The following KMT2A variants were observed in gnomAD, a reference collection of about 807,000 sequenced individuals.
KMT2A encodes lysine methyltransferase 2A, also known as histone-lysine N-methyltransferase 2A.
KMT2A carries 16 observed loss-of-function variants against 345.3 expected under a neutral mutation model. That is an observed-to-expected ratio of 0.05 (90% CI 0.03 to 0.07). The LOEUF is 0.07. Among genes scored for constraint, KMT2A ranks in the 10% least tolerant of loss-of-function variants. The pLI is 1.00. For synonymous variants in KMT2A, 1,599 were observed against 1,778.6 expected, an observed-to-expected ratio of 0.90 and a Z score of 2.54; for missense variants, 3,272 against 4,841.6, an observed-to-expected ratio of 0.68 and a Z score of 9.62.
intron 1 of KMT2A, among the ~76,000 whole-genome samples, chr11:118,445,482 T>C (rs1007828169): frequency 2.0e-5 from 3 of 152,198 alleles, no homozygotes; most frequent in Non-Finnish European, 4.4e-5. Context: ...GTTCTTGGGC[T>C]CCAGGTTCAG....
In KMT2A at chr11:118,476,839, G is replaced by A. The variant is rs782755322; in HGVS notation, c.3191G>A (p.Arg1064Gln). Residue 1064 changes from arginine (R) to glutamine (Q), a missense_variant, in exon 4 of 36, where the codon CGA (arginine) becomes CAA (glutamine). This residue lies in a region of KMT2A where 29 missense variants were observed against 27.1 expected (regional missense o/e 1.07). Transcript: ENST00000534358. The surrounding 1 kb of genome is among the most constrained non-coding windows in gnomAD (Gnocchi z 4.1). ...QESDSSETSV[R>Q]GPRIKHVCRR... Reference sequence around the variant, plus strand: ...AGTGACTCATCAGAGACCTCTGTGCGAGGACCCCGGATTAAACATGTCTGC... The same window carrying A: ...AGTGACTCATCAGAGACCTCTGTGCAAGGACCCCGGATTAAACATGTCTGC... The A allele has an allele frequency of 1.2e-6, 2 of 1,613,578 alleles. No homozygotes were observed. The highest frequency in any genetic ancestry group is 1.7e-6 in the Non-Finnish European group (2 of 1,179,516).
rs1201793772 is a variant in KMT2A at position 118,478,761 on chromosome 11, AT to A, written c.3569+571del. Among the ~76,000 whole-genome samples the A allele has an allele frequency of 3.7e-4, 55 of 148,584 alleles. 1 individual carries two copies. The East Asian group carries it at 4.9e-3, about 13-fold the overall frequency. Reference sequence around the variant, plus strand: ...CTTAGAATATGTTCATGCATATGGAATTTTTTTTTTTAAGAGACAGGGTCTT... The same window carrying A: ...CTTAGAATATGTTCATGCATATGGAATTTTTTTTTTAAGAGACAGGGTCTT... On this transcript the variant is annotated intron_variant, in intron 5 of 35. Coordinates refer to ENST00000534358, the MANE Select transcript of KMT2A (RefSeq NM_001197104.2).
At position 118,521,609 on chromosome 11, in the gene KMT2A, C is replaced by CT. The variant is rs782735983; in HGVS notation, c.11643+193dup. On this transcript the variant is annotated intron_variant, in intron 35 of 35. Coordinates refer to ENST00000534358, the MANE Select transcript of KMT2A (RefSeq NM_001197104.2). The surrounding 1 kb of genome is among the most constrained non-coding windows in gnomAD (Gnocchi z 5.3). ...CTCTGAGGATTAGTACAGAAAGTTG[C>CT]TCTTAGAAGGTTTGTCTGAGTGGCT... 6.6e-6 allele frequency among the ~76,000 whole-genome samples: 1 copy of CT among 152,192 alleles called. No homozygotes were observed. The highest frequency in any genetic ancestry group is 1.5e-5 in the Non-Finnish European group (1 of 68,040).
chr11:118,451,568 T>C (rs1949538392), intron 1 of KMT2A, among the ~76,000 whole-genome samples: 1 of 152,052 alleles, frequency 6.6e-6, no homozygotes, highest in South Asian at 2.1e-4. Flanking sequence ...TTTATGTTTT[T>C]AGTAGAGACG....
intron 6 of KMT2A, 131 bp downstream of exon 6, chr11:118,480,369 T>C (rs2054568922): frequency 6.5e-6 from 4 of 615,244 alleles, no homozygotes; most frequent in African/African-American, 1.9e-5. Flanking sequence ...TTGTTGAAGC[T>C]AGGTAATAGG....
chr11:118,477,525 T>TTTTTTTG (rs1950060642), intron 4 of KMT2A, among the ~76,000 whole-genome samples: 1 of 134,014 alleles, frequency 7.5e-6, no homozygotes, highest in African/African-American at 2.9e-5. Flanking sequence ...TTTTTTTTTT[T>TTTTTTTG]GAGACGGAGC....
chr11:118,438,184 G>A (rs782006839), intron 1 of KMT2A, among the ~76,000 whole-genome samples: 3 of 152,112 alleles, frequency 2.0e-5, no homozygotes, highest in Non-Finnish European at 4.4e-5. Flanking sequence ...GGATTATCAA[G>A]CAAAGTTATT....
chr11:118,444,534 G>A (rs1013459915), intron 1 of KMT2A, among the ~76,000 whole-genome samples: 1 of 152,190 alleles, frequency 6.6e-6, no homozygotes, highest in Admixed American at 6.5e-5. Context: ...AACTGCCTGA[G>A]TTCAAATCTA....
intron 28 of KMT2A, among the ~76,000 whole-genome samples, chr11:118,508,503 G>A (rs1565309237): frequency 6.6e-6 from 1 of 152,198 alleles, no homozygotes; most frequent in African/African-American, 2.4e-5. Flanking sequence ...TTGGGAGGCT[G>A]AGGCAGGAGG....
At chr11:118,479,647 C>T (rs1403478492) in intron 5 of KMT2A, among the ~76,000 whole-genome samples, 2 of 152,126 alleles carry the variant, frequency 1.3e-5, no homozygotes, top group East Asian at 3.8e-4. Flanking sequence ...GATAAAGTTG[C>T]ATTAAATTTA....
rs142985138 is a variant in KMT2A, at chr11:118,503,075, T to C, written c.7183T>C (p.Ser2395Pro). The C allele has an allele frequency of 6.7e-4, 1,085 of 1,612,642 alleles. No homozygotes were observed. The highest frequency in any genetic ancestry group is 8.3e-4 in the Non-Finnish European group (984 of 1,179,934). The change falls in exon 27 of 36, where the codon TCT (serine) becomes CCT (proline). Residue 2395 changes from serine (S) to proline (P), a missense_variant. Ser to Pro is a moderately conservative substitution (Grantham distance 74). Around this residue, in one of 27 missense-constraint regions of KMT2A, gnomAD observed 445 missense variants for 500.9 expected, o/e 0.89. Coordinates refer to ENST00000534358, the MANE Select transcript of KMT2A (RefSeq NM_001197104.2). This position sits in a 1 kb window ranked among gnomAD's most constrained non-coding sequence, Gnocchi z 5.3. ...HTDSTQSANSSPDEDTEVKTL... is the reference protein window; with the variant it reads ...HTDSTQSANSPPDEDTEVKTL... ...AGATTCTACCCAATCAGCAAACTCC[T>C]CTCCAGATGAAGATACTGAAGTCAA... is the stretch of plus-strand genomic sequence containing the variant.
Position 118,484,656 on chromosome 11 carries a change from T to C in KMT2A, c.4219-206T>C, listed in dbSNP as rs574751268. 6.6e-6 allele frequency among the ~76,000 whole-genome samples: 1 copy of C among 152,362 alleles called. No homozygotes were observed. Among genetic ancestry groups the C allele is most frequent in the African/African-American group, 2.4e-5 (1 of 41,592 alleles). On this transcript the variant is annotated intron_variant, in intron 9 of 35. Coordinates refer to ENST00000534358, the MANE Select transcript of KMT2A (RefSeq NM_001197104.2). This position sits in a 1 kb window ranked among gnomAD's most constrained non-coding sequence, Gnocchi z 4.1. ...ATCCCAGTGTATTTTCGCAATATATTCAATATGAATTGAACAACTAGGTGA... is the reference window on the plus strand; with the variant it reads ...ATCCCAGTGTATTTTCGCAATATATCCAATATGAATTGAACAACTAGGTGA...
At position 118,521,235 on chromosome 11, in the gene KMT2A, C is replaced by T. The variant is rs1182391322; in HGVS notation, c.11514-53C>T. The T allele has an allele frequency of 6.2e-7, 1 of 1,601,520 alleles. No individual in the cohort carries two copies. The highest frequency in any genetic ancestry group is 1.3e-5 in the African/African-American group (1 of 74,690). ...GAGAACTTATTCATGTATTCACGCA[C>T]TTAACCTTACTTGCAAAATTTGTGT... On this transcript the variant is annotated intron_variant, in intron 34 of 35. Coordinates refer to ENST00000534358, the MANE Select transcript of KMT2A (RefSeq NM_001197104.2). This position sits in a 1 kb window ranked among gnomAD's most constrained non-coding sequence, Gnocchi z 5.3.
chr11:118,506,312 G>A lies in KMT2A; in HGVS notation c.10420G>A (p.Asp3474Asn), dbSNP rs782405399. 6.2e-7 allele frequency: 1 copy of A among 1,614,052 alleles called. No individual in the cohort carries two copies. Among genetic ancestry groups the A allele is most frequent in the Non-Finnish European group, 8.5e-7 (1 of 1,180,028 alleles). ...SKTGIHSSQR[D>N]LDSASGPQVS... ...AACTGGGATTCATTCTTCCCAGCGT[G>A]ATCTTGATTCTGCTTCAGGGCCCCA... Residue 3474 changes from aspartate (D) to asparagine (N), a missense_variant, in exon 27 of 36, where the codon GAT becomes AAT. Physicochemically the swap from Asp to Asn is conservative, Grantham distance 23 (BLOSUM62 1). This residue lies in a region of KMT2A where 748 missense variants were observed against 922.2 expected (regional missense o/e 0.81). Transcript: ENST00000534358.
At chr11:118,465,640 C>T (rs1949830234) in intron 1 of KMT2A, among the ~76,000 whole-genome samples, 1 of 152,280 alleles carries the variant, frequency 6.6e-6, no homozygotes, top group East Asian at 1.9e-4. Flanking sequence ...ACCCTTCTCT[C>T]CCCACATCCA....
At position 118,473,817 on chromosome 11, in the gene KMT2A, G is replaced by A. The variant is rs782323499; in HGVS notation, c.2658G>A (p.Arg886=). The A allele has an allele frequency of 1.9e-6, 3 of 1,614,134 alleles. No individual in the cohort carries two copies. The highest frequency in any genetic ancestry group is 2.5e-6 in the Non-Finnish European group (3 of 1,180,006). Residue 886 remains arginine (R), a synonymous_variant, in exon 3 of 36, where the codon CGG becomes CGA. Transcript: ENST00000534358. The surrounding 1 kb of genome is among the most constrained non-coding windows in gnomAD (Gnocchi z 5.2). ...RDREREKENK[R]ESRKEKRKKG... is the part of the protein sequence containing the mutation. ...GGGAGAGAGAAAAGGAGAATAAGCG[G>A]GAGTCAAGGAAAGAGAAAAGGAAAA...
In KMT2A at chr11:118,506,367, C is replaced by T. The variant is rs145249825; in HGVS notation, c.10475C>T (p.Ala3492Val). 1.2e-4 allele frequency: 197 copies of T among 1,614,176 alleles called. 2 individuals are homozygous for T. In the African/African-American group the frequency reaches 2.5e-3, roughly 20 times the overall value. The change falls in exon 27 of 36, where the codon GCT becomes GTT. Residue 3492 changes from alanine to valine, a missense_variant. By Grantham distance (64) the Ala-to-Val change is moderately conservative. Coordinates refer to ENST00000534358, the MANE Select transcript of KMT2A (RefSeq NM_001197104.2). Reference sequence around the variant, plus strand: ...TCCAACTTTACCCAGACGGTAGACGCTCCTAATAGCATGGGACTGGAGCAG... The same window carrying T: ...TCCAACTTTACCCAGACGGTAGACGTTCCTAATAGCATGGGACTGGAGCAG... The part of the protein sequence containing the change: ...QVSNFTQTVD[A>V]PNSMGLEQNK...
At chr11:118,464,276 C>G (rs1321733539) in intron 1 of KMT2A, among the ~76,000 whole-genome samples, 1 of 152,228 alleles carries the variant, frequency 6.6e-6, no homozygotes, top group Admixed American at 6.5e-5. Flanking sequence ...TGGCTCACGC[C>G]TGTTATCCCA....
At chr11:118,482,850 T>A (rs1950160451) in intron 8 of KMT2A, among the ~76,000 whole-genome samples, 1 of 152,046 alleles carries the variant, frequency 6.6e-6, no homozygotes, top group African/African-American at 2.4e-5. Flanking sequence ...AAGGATTGTC[T>A]TGAGCCCAGG....
Sources: allele counts gnomAD v4.1 joint callset (sites outside exome capture counted in the v4.1 genomes callset), GRCh38; gene constraint gnomAD v4.1.1; regional missense constraint gnomAD v4.1.1; non-coding constraint Gnocchi (gnomAD v3.1); transcripts MANE v1.5; gene names NCBI Gene and HGNC (gene_info 2026-07-23, HGNC 2026-07-21).